FOXP1: variants seen among roughly 807,000 people sequenced by gnomAD.
FOXP1 encodes the protein forkhead box P1.
In FOXP1, 15 loss-of-function variants were observed where a neutral mutation model predicts 98.2. The observed-to-expected ratio is 0.15, with a 90% confidence interval of 0.10 to 0.24. The LOEUF (loss-of-function observed/expected upper bound fraction) is 0.24, where lower values mean the gene tolerates loss of function less well. FOXP1 is among the 10% of genes least tolerant of loss of function. The pLI is 1.00. For missense variants in FOXP1, 633 were observed against 848.5 expected (o/e 0.75, Z 3.15); for synonymous variants, 371 against 314.5 (o/e 1.18, Z -1.90).
intron 7 of FOXP1, among the ~76,000 whole-genome samples, chr3:71,094,360 A>G (rs550570816): frequency 6.6e-6 from 1 of 150,530 alleles, no homozygotes; most frequent in East Asian, 2.0e-4. Context: ...GCTCACTGCA[A>G]GCTCCGCCTC....
chr3:71,025,544 C>T (rs1171047509), intron 11 of FOXP1, among the ~76,000 whole-genome samples: 1 of 152,080 alleles, frequency 6.6e-6, no homozygotes, highest in African/African-American at 2.4e-5. Flanking sequence ...GCAACCTCCC[C>T]AAGTAATTGT....
chr3:71,544,473 A>AAG (rs2045192619), intron 2 of FOXP1, among the ~76,000 whole-genome samples: 1 of 152,192 alleles, frequency 6.6e-6, no homozygotes, highest in African/African-American at 2.4e-5. Context: ...CAAGTGAACA[A>AAG]AGTTTGATCA....
chr3:71,058,621 C>G (rs1222682647), intron 7 of FOXP1, among the ~76,000 whole-genome samples: 1 of 147,268 alleles, frequency 6.8e-6, no homozygotes, highest in Non-Finnish European at 1.5e-5. Context: ...AAAAAAAAAA[C>G]TATGCCAAGT....
intron 7 of FOXP1, among the ~76,000 whole-genome samples, chr3:71,085,868 C>G (rs992352602): frequency 6.6e-6 from 1 of 150,892 alleles, no homozygotes; most frequent in African/African-American, 2.4e-5. Flanking sequence ...TAGCTGGGAC[C>G]ACAGGCGGGT....
intron 5 of FOXP1, among the ~76,000 whole-genome samples, chr3:71,282,935 T>C (rs778657705): frequency 1.1e-4 from 16 of 152,176 alleles, no homozygotes; most frequent in African/African-American, 3.4e-4. Flanking sequence ...GCACCTGAGA[T>C]AGTCAATTTC....
chr3:70,970,991 G>A, intron 18 of FOXP1, 186 bp from the exon 19 acceptor site: 1 of 614,346 alleles, frequency 1.6e-6, no homozygotes, highest in South Asian at 1.8e-5. Flanking sequence ...CACACCTCTG[G>A]GGTTGGACTT....
chr3:71,515,177 C>G (rs1480934316), intron 2 of FOXP1, among the ~76,000 whole-genome samples: 1 of 152,126 alleles, frequency 6.6e-6, no homozygotes, highest in Non-Finnish European at 1.5e-5. Flanking sequence ...ACAGGCCTTT[C>G]TGTTGAATAT....
At chr3:71,155,773 T>C (rs2108096249) in intron 6 of FOXP1, among the ~76,000 whole-genome samples, 1 of 152,316 alleles carries the variant, frequency 6.6e-6, no homozygotes, top group Admixed American at 6.5e-5. Context: ...GTGCAGAACA[T>C]TCAGCCCTCA....
At chr3:71,559,682 TA>T (rs912166574) in intron 2 of FOXP1, among the ~76,000 whole-genome samples, 1 of 152,080 alleles carries the variant, frequency 6.6e-6, no homozygotes, top group Non-Finnish European at 1.5e-5. Context: ...CTCATCTTTA[TA>T]AAAACTTAAA....
intron 7 of FOXP1, among the ~76,000 whole-genome samples, chr3:71,072,313 T>A (rs1393370664): frequency 6.6e-6 from 1 of 152,162 alleles, no homozygotes; most frequent in Non-Finnish European, 1.5e-5. Flanking sequence ...GCAACAAGAA[T>A]GAGACCCCAT....
intron 7 of FOXP1, among the ~76,000 whole-genome samples, chr3:71,075,372 C>G (rs1404089338): frequency 6.6e-6 from 1 of 152,196 alleles, no homozygotes; most frequent in East Asian, 1.9e-4. Flanking sequence ...ACCACTTTTC[C>G]TTCAATTTCT....
At chr3:71,049,469 A>G (rs548897384) in intron 9 of FOXP1, among the ~76,000 whole-genome samples, 1 of 152,280 alleles carries the variant, frequency 6.6e-6, no homozygotes, top group African/African-American at 2.4e-5. Context: ...AAGAGCACGT[A>G]TCTTCTTAAG....
intron 3 of FOXP1, among the ~76,000 whole-genome samples, chr3:71,418,118 T>TGG (rs1467334928): frequency 1.3e-4 from 7 of 54,616 alleles, no homozygotes; most frequent in Non-Finnish European, 2.8e-4. Context: ...TGCTTGTGGG[T>TGG]GTGTGTGTGT....
chr3:71,518,853 G>A (rs995855083), intron 2 of FOXP1, among the ~76,000 whole-genome samples: 2 of 152,280 alleles, frequency 1.3e-5, no homozygotes, highest in South Asian at 2.1e-4. Flanking sequence ...AACTTCTAAC[G>A]AGATGCCAGA....
chr3:71,101,564 G>T (rs1174170549), intron 7 of FOXP1, among the ~76,000 whole-genome samples: 3 of 151,348 alleles, frequency 2.0e-5, no homozygotes, highest in African/African-American at 4.9e-5. Context: ...GGCCAGACAG[G>T]TTAGAAGGAT....
intron 11 of FOXP1, among the ~76,000 whole-genome samples, chr3:71,023,124 T>C (rs558383235): frequency 3.9e-5 from 6 of 152,298 alleles, no homozygotes; most frequent in Middle Eastern, 3.4e-3. Flanking sequence ...CATTTAGGAC[T>C]TTCATCCGTC....
intron 3 of FOXP1, among the ~76,000 whole-genome samples, chr3:71,450,166 A>T: frequency 6.6e-6 from 1 of 152,224 alleles, no homozygotes. Context: ...ATTAGAGTCA[A>T]TGTGTTTATG....
intron 4 of FOXP1, among the ~76,000 whole-genome samples, chr3:71,322,346 T>C (rs2075439949): frequency 6.6e-6 from 1 of 152,214 alleles, no homozygotes; most frequent in South Asian, 2.1e-4. Flanking sequence ...ATATTTCCAG[T>C]GTCAAAAGCC....
intron 19 of FOXP1, chr3:70,969,212 A>G (rs2035643608): frequency 6.6e-6 from 1 of 152,080 alleles, no homozygotes; most frequent in South Asian, 2.1e-4. Context: ...CAGGCTTTAA[A>G]TTCACACTTC....
Sources: allele counts gnomAD v4.1 joint callset (sites outside exome capture counted in the v4.1 genomes callset), GRCh38; gene constraint gnomAD v4.1.1; transcripts MANE v1.5; gene names NCBI Gene and HGNC (gene_info 2026-07-23, HGNC 2026-07-21).